Variants in RIT2 observed in about 807,000 individuals in gnomAD.
The protein encoded by RIT2 is Ras like without CAAX 2.
Under a neutral mutation model 23.7 loss-of-function variants are expected in RIT2, and 24 were observed. The ratio of observed to expected loss-of-function variants is 1.01; its 90% CI spans 0.73 to 1.43. The LOEUF is 1.43. RIT2 is among the 40% of genes most tolerant of loss of function. RIT2 has a pLI of 0.00. For synonymous variants in RIT2, 107 were observed against 91.1 expected, an observed-to-expected ratio of 1.17 and a Z score of -0.99; for missense variants, 236 against 266.9, an observed-to-expected ratio of 0.88 and a Z score of 0.81.
chr18:42,970,348 C>T (rs1910332745), intron 3 of RIT2, among the ~76,000 whole-genome samples: 1 of 151,848 alleles, frequency 6.6e-6, no homozygotes, highest in Non-Finnish European at 1.5e-5. Flanking sequence ...CCTTAATGAG[C>T]ATGTAGCAGA....
chr18:43,063,643 A>T (rs1003984576), intron 1 of RIT2, among the ~76,000 whole-genome samples: 5 of 152,116 alleles, frequency 3.3e-5, no homozygotes, highest in Non-Finnish European at 5.9e-5. Flanking sequence ...ATTTTCTTTT[A>T]TTTAGGGTAC....
At chr18:43,070,314 C>G (rs1295994163) in intron 1 of RIT2, among the ~76,000 whole-genome samples, 3 of 152,172 alleles carry the variant, frequency 2.0e-5, no homozygotes, top group African/African-American at 2.4e-5. Flanking sequence ...AAGCTATAAT[C>G]ACAATTTCTC....
chr18:43,095,932 G>A (rs908520549), intron 1 of RIT2, among the ~76,000 whole-genome samples: 2 of 151,944 alleles, frequency 1.3e-5, no homozygotes, highest in African/African-American at 4.8e-5. Flanking sequence ...GCTACTGAAA[G>A]ATCCTGGCTT....
At chr18:42,797,607 A>C (rs1905405972) in intron 4 of RIT2, among the ~76,000 whole-genome samples, 1 of 152,200 alleles carries the variant, frequency 6.6e-6, no homozygotes, top group Admixed American at 6.5e-5. Context: ...CAGCACAGGC[A>C]AATGCAAGAC....
intron 1 of RIT2, among the ~76,000 whole-genome samples, chr18:43,083,253 T>A (rs1205381314): frequency 2.6e-5 from 4 of 152,114 alleles, no homozygotes; most frequent in African/African-American, 9.7e-5. Context: ...TGGAAAAACA[T>A]TCCATGCTCA....
At chr18:42,766,290 G>A (rs534959979) in intron 4 of RIT2, among the ~76,000 whole-genome samples, 9 of 152,258 alleles carry the variant, frequency 5.9e-5, no homozygotes, top group African/African-American at 1.2e-4. Context: ...ATAGTGATAC[G>A]GACAATAGAA....
At chr18:42,850,177 G>T (rs1598682321) in intron 4 of RIT2, among the ~76,000 whole-genome samples, 1 of 151,800 alleles carries the variant, frequency 6.6e-6, no homozygotes, top group East Asian at 1.9e-4. Context: ...AGGACATTTA[G>T]GGAAGAAAAA....
chr18:42,900,531 C>T (rs1465261198), intron 4 of RIT2, among the ~76,000 whole-genome samples: 1 of 151,942 alleles, frequency 6.6e-6, no homozygotes, highest in African/African-American at 2.4e-5. Flanking sequence ...AAGAAAATAC[C>T]TTTTAGTCAA....
At chr18:43,011,199 T>A (rs9947315) in intron 2 of RIT2, among the ~76,000 whole-genome samples, 4 of 151,732 alleles carry the variant, frequency 2.6e-5, no homozygotes, top group Non-Finnish European at 4.4e-5. Context: ...CCAGATCCAG[T>A]GTGGTGGTGT....
chr18:42,854,710 C>G (rs1386947725), intron 4 of RIT2, among the ~76,000 whole-genome samples: 1 of 152,092 alleles, frequency 6.6e-6, no homozygotes, highest in Non-Finnish European at 1.5e-5. Context: ...ATATTTGCTC[C>G]AAGAAGATAA....
intron 1 of RIT2, among the ~76,000 whole-genome samples, chr18:43,055,309 G>A (rs1371461609): frequency 1.3e-5 from 2 of 152,068 alleles, no homozygotes; most frequent in African/African-American, 4.8e-5. Context: ...CCAGAGACGT[G>A]GCCTCTGGGA....
rs1912363171 is a variant in RIT2 at position 43,050,814 on chromosome 18, G to A, written c.104-16947C>T. 3.3e-5 allele frequency among the ~76,000 whole-genome samples: 5 copies of A among 152,208 alleles called. No individual in the cohort carries two copies. The South Asian group carries it at 1.0e-3, about 32-fold the overall frequency. The stretch of plus-strand genomic sequence containing the variant: ...GGAGCTCAGGACAGCTGAACACATG[G>A]AAGTTCCTGGAGGACAGCACACCGA... On this transcript the variant is annotated intron_variant, in intron 1 of 4. Coordinates refer to ENST00000326695, the MANE Select transcript of RIT2 (RefSeq NM_002930.4).
intron 4 of RIT2, among the ~76,000 whole-genome samples, chr18:42,764,205 T>C (rs1341146103): frequency 6.6e-6 from 1 of 152,214 alleles, no homozygotes; most frequent in Non-Finnish European, 1.5e-5. Context: ...CAAAGCAGCA[T>C]CGTGATCACA....
chr18:42,917,713 A>G (rs1908948796), intron 4 of RIT2, among the ~76,000 whole-genome samples: 1 of 152,164 alleles, frequency 6.6e-6, no homozygotes, highest in Non-Finnish European at 1.5e-5. Context: ...TTAGCTCTAC[A>G]TAACCTGACC....
At chr18:43,038,540 T>A (rs1208573037) in intron 1 of RIT2, among the ~76,000 whole-genome samples, 1 of 152,130 alleles carries the variant, frequency 6.6e-6, no homozygotes, top group Non-Finnish European at 1.5e-5. Context: ...TTGTGATTTG[T>A]CCCTTATTTC....
At chr18:42,920,632 A>T (rs546348548) in intron 4 of RIT2, 9 of 1,112,810 alleles carry the variant, frequency 8.1e-6, no homozygotes, top group Admixed American at 6.4e-5. Flanking sequence ...TTTTCTTTTT[A>T]TCTTTTTTAG....
intron 2 of RIT2, among the ~76,000 whole-genome samples, chr18:42,978,846 T>C (rs745909114): frequency 7.2e-5 from 11 of 152,152 alleles, no homozygotes; most frequent in Admixed American, 4.6e-4. Flanking sequence ...CTGTTATTGG[T>C]TGGCCATGAA....
intron 1 of RIT2, among the ~76,000 whole-genome samples, chr18:43,105,488 G>GA (rs879445292): frequency 3.6e-5 from 5 of 137,452 alleles, no homozygotes; most frequent in African/African-American, 8.2e-5. Context: ...AAGGGAGGAA[G>GA]GGAGGAAGAA....
chr18:43,046,788 T>C (rs1912258681), intron 1 of RIT2, among the ~76,000 whole-genome samples: 1 of 152,202 alleles, frequency 6.6e-6, no homozygotes, highest in Non-Finnish European at 1.5e-5. Context: ...CTTTAGTATA[T>C]TGAACACAGA....
Sources: allele counts gnomAD v4.1 joint callset (sites outside exome capture counted in the v4.1 genomes callset), GRCh38; gene constraint gnomAD v4.1.1; transcripts MANE v1.5; gene names NCBI Gene and HGNC (gene_info 2026-07-23, HGNC 2026-07-21).